PITPNM2: variants seen among roughly 807,000 people sequenced by gnomAD.
PITPNM2 encodes the protein membrane-associated phosphatidylinositol transfer protein 2.
Under a neutral mutation model 132.2 loss-of-function variants are expected in PITPNM2, and 35 were observed. That is an observed-to-expected ratio of 0.26 (90% CI 0.20 to 0.35). The LOEUF (loss-of-function observed/expected upper bound fraction) is 0.35. Ranked by LOEUF, PITPNM2 falls within the 10% of genes least tolerant of loss-of-function variation. The probability of loss-of-function intolerance (pLI) is 1.00; values close to 1 mark genes in which losing one functional copy is unlikely to be tolerated. For synonymous variants in PITPNM2, 738 were observed against 799.2 expected, an observed-to-expected ratio of 0.92 and a Z score of 1.29; for missense variants, 1,332 against 1,912.0, an observed-to-expected ratio of 0.70 and a Z score of 5.66.
In PITPNM2 at chr12:123,064,468, G is replaced by A. The variant is rs1479295875; in HGVS notation, c.-95-29783C>T. Among the ~76,000 whole-genome samples the A allele has an allele frequency of 1.3e-5, 2 of 152,224 alleles. No homozygotes were observed. The highest frequency in any genetic ancestry group is 2.9e-5 in the Non-Finnish European group (2 of 68,022). On this transcript the variant is annotated intron_variant, in intron 2 of 25. Transcript: ENST00000320201. This position sits in a 1 kb window ranked among gnomAD's most constrained non-coding sequence, Gnocchi z 4.0. Reference sequence around the variant, plus strand: ...GGGTGGCACAGGGCAGGGGAGCTGAGGGGAGTAGGGAACCAAGACATCTTT... The same window carrying A: ...GGGTGGCACAGGGCAGGGGAGCTGAAGGGAGTAGGGAACCAAGACATCTTT...
Position 122,995,480 on chromosome 12 carries a change from C to T in PITPNM2, c.1963G>A (p.Glu655Lys), listed in dbSNP as rs769387322. Residue 655 changes from glutamate (E) to lysine (K), a missense_variant, in exon 14 of 26, where the codon GAG (glutamate) becomes AAG (lysine). Glu to Lys is a moderately conservative substitution (Grantham distance 56). This residue lies in a region of PITPNM2 where 710 missense variants were observed against 911.5 expected (regional missense o/e 0.78). Coordinates refer to ENST00000320201, the MANE Select transcript of PITPNM2 (RefSeq NM_020845.3). Reference sequence around the variant, plus strand: ...CGGGGCAGTTGCCTTTTGGGGTCCTCAGTGCCGTTGCTGCGGGGGATGTCG... The same window carrying T: ...CGGGGCAGTTGCCTTTTGGGGTCCTTAGTGCCGTTGCTGCGGGGGATGTCG... The part of the protein sequence containing the change: ...NVDIPRSNGT[E>K]DPKRQLPRKR... 6.2e-7 allele frequency: 1 copy of T among 1,614,040 alleles called. No homozygotes were observed. The highest frequency in any genetic ancestry group is 8.5e-7 in the Non-Finnish European group (1 of 1,180,006).
intron 11 of PITPNM2, 56 bp downstream of exon 11, chr12:122,997,269 G>GGCC: frequency 5.0e-6 from 8 of 1,602,046 alleles, no homozygotes; most frequent in Non-Finnish European, 6.8e-6. Context: ...AGGCCCAGGG[G>GGCC]TAGGAGGAGG....
At chr12:122,990,511 T>C (rs2038139553) in intron 17 of PITPNM2, 34 bp downstream of exon 17, 8 of 1,609,372 alleles carry the variant, frequency 5.0e-6, no homozygotes, top group Admixed American at 1.7e-5. Flanking sequence ...TGGCCCTGGC[T>C]GAGTGAGGAG....
intron 1 of PITPNM2, among the ~76,000 whole-genome samples, chr12:123,129,671 CT>C (rs1056522259): frequency 2.0e-5 from 3 of 151,902 alleles, no homozygotes; most frequent in Non-Finnish European, 4.4e-5. Context: ...TCTCTTTTTT[CT>C]TTTAGTAGAT....
chr12:122,985,968 G>A lies in PITPNM2; in HGVS notation c.*59C>T. On this transcript the variant is annotated 3_prime_UTR_variant, in exon 26 of 26. Coordinates refer to ENST00000320201, the MANE Select transcript of PITPNM2 (RefSeq NM_020845.3). The stretch of plus-strand genomic sequence containing the variant: ...TGCGTGTGCCCAGGCCAGGCCTCCT[G>A]GCGGGGCTGGCCACCCTGGCCTAGC... The A allele has an allele frequency of 7.5e-7, 1 of 1,337,602 alleles. No homozygotes were observed. The highest frequency in any genetic ancestry group is 9.6e-7 in the Non-Finnish European group (1 of 1,044,202). The allele number at this position is 1,337,602 out of a possible 1,614,324, so 82.9% of individuals were successfully genotyped here.
chr12:123,127,393 G>T (rs530295443), intron 1 of PITPNM2, among the ~76,000 whole-genome samples: 1 of 152,190 alleles, frequency 6.6e-6, no homozygotes, highest in Non-Finnish European at 1.5e-5. Context: ...ACAGGTGTTA[G>T]AGGTGCTCCT....
chr12:123,055,239 C>T (rs982772557), intron 2 of PITPNM2, among the ~76,000 whole-genome samples: 4 of 152,162 alleles, frequency 2.6e-5, no homozygotes, highest in Non-Finnish European at 4.4e-5. Context: ...AGGAGAAAGA[C>T]GCTGCAGCTG....
Position 122,984,943 on chromosome 12 carries a change from T to C in PITPNM2, c.*1084A>G, listed in dbSNP as rs1240045504. ...CCTGCCCTGAAGCTGACAAAGCAAG[T>C]TGTGGCTTCTTAGATTCGGCATGAA... On this transcript the variant is annotated 3_prime_UTR_variant, in exon 26 of 26. Transcript: ENST00000320201. The C allele has an allele frequency of 6.6e-6, 1 of 152,060 alleles. No individual in the cohort carries two copies. The highest frequency in any genetic ancestry group is 1.9e-4 in the East Asian group (1 of 5,176). The allele number at this position is 152,060 out of a possible 1,614,324, so 9.4% of individuals were successfully genotyped here.
At chr12:123,134,526 C>T (rs955987115) in intron 1 of PITPNM2, among the ~76,000 whole-genome samples, 3 of 152,192 alleles carry the variant, frequency 2.0e-5, no homozygotes, top group Non-Finnish European at 2.9e-5. Flanking sequence ...ACCGTTCTTG[C>T]ACACACAAAT....
At chr12:123,149,007 G>A (rs2043674794) in intron 1 of PITPNM2, among the ~76,000 whole-genome samples, 1 of 152,104 alleles carries the variant, frequency 6.6e-6, no homozygotes. Flanking sequence ...TGAATGAAAT[G>A]GTAGGAGAGG....
intron 1 of PITPNM2, among the ~76,000 whole-genome samples, chr12:123,148,977 G>C (rs2043674597): frequency 6.6e-6 from 1 of 152,168 alleles, no homozygotes; most frequent in South Asian, 2.1e-4. Flanking sequence ...GGTAGCCTGA[G>C]AGGACTGCAG....
chr12:123,113,459 G>C (rs1389485376), intron 1 of PITPNM2, among the ~76,000 whole-genome samples: 3 of 152,158 alleles, frequency 2.0e-5, no homozygotes, highest in African/African-American at 7.2e-5. Flanking sequence ...CCAGCACTTA[G>C]AGAGACCAAG....
intron 2 of PITPNM2, among the ~76,000 whole-genome samples, chr12:123,048,166 G>C (rs892949380): frequency 1.3e-5 from 2 of 152,012 alleles, no homozygotes; most frequent in African/African-American, 4.8e-5. Flanking sequence ...AAAAAAGGGT[G>C]GGGGGAACCT....
intron 2 of PITPNM2, among the ~76,000 whole-genome samples, chr12:123,072,625 A>G (rs1333560533): frequency 3.9e-5 from 6 of 152,236 alleles, no homozygotes; most frequent in African/African-American, 7.2e-5. Flanking sequence ...CCACTGGGGC[A>G]GAGCTGGGAC....
At chr12:123,128,597 C>CA (rs1278019951) in intron 1 of PITPNM2, among the ~76,000 whole-genome samples, 1 of 150,770 alleles carries the variant, frequency 6.6e-6, no homozygotes, top group Admixed American at 6.6e-5. Flanking sequence ...ACTAAAAATA[C>CA]AAAAAATTAG....
At position 123,005,160 on chromosome 12, in the gene PITPNM2, G is replaced by A. The variant is rs1038833051; in HGVS notation, c.952+80C>T. 3.4e-6 allele frequency: 5 copies of A among 1,475,730 alleles called. No individual in the cohort carries two copies. Among genetic ancestry groups the A allele is most frequent in the African/African-American group, 2.8e-5 (2 of 71,462 alleles). The allele number at this position is 1,475,730 out of a possible 1,614,324, so 91.4% of individuals were successfully genotyped here. A position where few individuals can be genotyped will look rare whatever the true frequency, so the allele number is the denominator to read the frequency against. ...GTCCATGGGAAAGAACTCTGAGGAG[G>A]TGCAGTGATCCAGCAGTGTGTGGGG... On this transcript the variant is annotated intron_variant, in intron 7 of 25. Transcript: ENST00000320201. The surrounding 1 kb of genome is among the most constrained non-coding windows in gnomAD (Gnocchi z 6.2).
chr12:123,001,883 TAGTC>T (rs2038696584), intron 8 of PITPNM2, among the ~76,000 whole-genome samples: 1 of 151,718 alleles, frequency 6.6e-6, no homozygotes, highest in South Asian at 2.1e-4. Context: ...ATACAAAAAT[TAGTC>T]AGGCGTGGTG....
rs976337605 is a variant in PITPNM2, at chr12:122,992,002, G to A, written c.2404+497C>T. On this transcript the variant is annotated intron_variant, in intron 16 of 25. Coordinates refer to ENST00000320201, the MANE Select transcript of PITPNM2 (RefSeq NM_020845.3). The surrounding 1 kb of genome is among the most constrained non-coding windows in gnomAD (Gnocchi z 6.5). ...CTCAGGGCTCCTCGAGGACCAGGAC[G>A]TGACAAGACGCTGGGACACACGCTG... is the stretch of plus-strand genomic sequence containing the variant. 19 of 1,100,330 alleles carry A rather than the reference G, an allele frequency of 1.7e-5. No individual in the cohort carries two copies. In the African/African-American group the frequency reaches 2.6e-4, roughly 15 times the overall value. 68.2% of individuals were successfully genotyped at this position (1,100,330 alleles called of 1,614,324 possible). A position where few individuals can be genotyped will look rare whatever the true frequency, so the allele number is the denominator to read the frequency against.
chr12:123,142,481 T>C lies in PITPNM2; in HGVS notation c.-200+8272A>G, dbSNP rs866904716. ...GTGCTTTCAGAATTCTTGAGGATTT[T>C]GTTATTAATGGTGTTTTAGTGTTGG... On this transcript the variant is annotated intron_variant, in intron 1 of 25. Coordinates refer to ENST00000320201, the MANE Select transcript of PITPNM2 (RefSeq NM_020845.3). Among the ~76,000 whole-genome samples the C allele has an allele frequency of 3.3e-5, 5 of 152,316 alleles. No individual in the cohort carries two copies. The Middle Eastern group carries it at 0.01, about 311-fold the overall frequency.
Sources: gnomAD v4.1 joint callset for allele counts (sites outside exome capture counted in the v4.1 genomes callset) on GRCh38, gnomAD v4.1.1 for gene constraint, gnomAD v4.1.1 regional missense constraint, Gnocchi (gnomAD v3.1) non-coding constraint, MANE v1.5 for transcripts, NCBI Gene and HGNC (gene_info 2026-07-23, HGNC 2026-07-21) for gene names.